CADM1: variants seen among roughly 807,000 people sequenced by gnomAD.
The protein encoded by CADM1 is cell adhesion molecule 1.
A neutral mutation model predicts 53.1 loss-of-function variants in CADM1; 15 were observed. The ratio of observed to expected loss-of-function variants is 0.28; its 90% CI spans 0.19 to 0.44. The LOEUF (loss-of-function observed/expected upper bound fraction) is 0.44. Ranked by LOEUF, CADM1 falls within the 20% of genes least tolerant of loss-of-function variation. CADM1 has a pLI of 1.00. For missense variants in CADM1, 434 were observed against 611.3 expected, an observed-to-expected ratio of 0.71 and a Z score of 3.06; for synonymous variants, 281 against 243.0, an observed-to-expected ratio of 1.16 and a Z score of -1.45.
At chr11:115,263,115 C>T (rs1486755766) in intron 1 of CADM1, among the ~76,000 whole-genome samples, 2 of 152,250 alleles carry the variant, frequency 1.3e-5, no homozygotes, top group Non-Finnish European at 2.9e-5. Flanking sequence ...CCCTTCATTG[C>T]ATCATATCAT....
At chr11:115,418,627 C>T (rs570306685) in intron 1 of CADM1, among the ~76,000 whole-genome samples, 2 of 152,242 alleles carry the variant, frequency 1.3e-5, no homozygotes, top group Admixed American at 6.5e-5. Context: ...AGAGTTTATA[C>T]ATATTAATGT....
chr11:115,450,451 C>A (rs894541976), intron 1 of CADM1, among the ~76,000 whole-genome samples: 1 of 152,188 alleles, frequency 6.6e-6, no homozygotes, highest in African/African-American at 2.4e-5. Context: ...TAAATGCATC[C>A]TTGATGCTGA....
intron 8 of CADM1, among the ~76,000 whole-genome samples, chr11:115,206,333 G>A (rs757958467): frequency 3.9e-5 from 6 of 152,174 alleles, no homozygotes; most frequent in East Asian, 1.9e-4. Context: ...GTGCCTTCAC[G>A]TGTAACTCTC....
intron 1 of CADM1, among the ~76,000 whole-genome samples, chr11:115,334,613 T>C (rs939823603): frequency 5.9e-5 from 9 of 152,164 alleles, no homozygotes; most frequent in African/African-American, 2.2e-4. Flanking sequence ...TATGTATGTA[T>C]AGGGAAAATA....
At chr11:115,364,874 A>G (rs999993150) in intron 1 of CADM1, among the ~76,000 whole-genome samples, 11 of 152,352 alleles carry the variant, frequency 7.2e-5, no homozygotes, top group Admixed American at 2.0e-4. Context: ...ACCTCATTTA[A>G]TAACAGTTTT....
chr11:115,295,866 C>T (rs1479830639), intron 1 of CADM1, among the ~76,000 whole-genome samples: 1 of 152,078 alleles, frequency 6.6e-6, no homozygotes, highest in Non-Finnish European at 1.5e-5. Flanking sequence ...ACTATTAATA[C>T]TATATTCTTA....
chr11:115,428,530 ATC>A (rs1947956247), intron 1 of CADM1, among the ~76,000 whole-genome samples: 2 of 152,272 alleles, frequency 1.3e-5, no homozygotes. Context: ...ATGAACCCCC[ATC>A]TGTCATAGCT....
At chr11:115,300,489 G>A (rs57734211) in intron 1 of CADM1, among the ~76,000 whole-genome samples, 9,114 of 152,032 alleles carry the variant, frequency 0.06, 315 homozygotes, top group East Asian at 0.1. Flanking sequence ...TTAATATCTG[G>A]CTTCCTTTAT....
Position 115,254,549 on chromosome 11 carries a change from A to AACACAC in CADM1, c.125-14135_125-14130dup, listed in dbSNP as rs58261564. Among the ~76,000 whole-genome samples the AACACAC allele has an allele frequency of 7.2e-3, 972 of 134,952 alleles. 9 individuals are homozygous for AACACAC. The highest frequency in any genetic ancestry group is 0.017 in the African/African-American group (627 of 36,478). The allele number at this position is 134,952 out of a possible 152,430, so 88.5% of individuals were successfully genotyped here. ...AAGTTCCTAATGCGCAAGGGAGACA[A>AACACAC]ACACACACACACACACACACACACA... On this transcript the variant is annotated intron_variant, in intron 1 of 11. Transcript: ENST00000331581.
chr11:115,250,124 C>G (rs573965007), intron 1 of CADM1, among the ~76,000 whole-genome samples: 12 of 152,092 alleles, frequency 7.9e-5, no homozygotes, highest in African/African-American at 2.9e-4. Flanking sequence ...AGGATGGTCT[C>G]GATCTCCTGA....
intron 1 of CADM1, among the ~76,000 whole-genome samples, chr11:115,392,350 T>C (rs1459930114): frequency 6.6e-6 from 1 of 151,982 alleles, no homozygotes; most frequent in African/African-American, 2.4e-5. Context: ...AATGATTTCT[T>C]AAAGCTTTTC....
At chr11:115,383,457 T>C (rs966306584) in intron 1 of CADM1, among the ~76,000 whole-genome samples, 17 of 152,336 alleles carry the variant, frequency 1.1e-4, no homozygotes, top group Admixed American at 4.6e-4. Context: ...TATTAGCTAA[T>C]AGGCAAGAAG....
chr11:115,305,597 C>T (rs1944343396), intron 1 of CADM1, among the ~76,000 whole-genome samples: 2 of 151,890 alleles, frequency 1.3e-5, no homozygotes, highest in Admixed American at 1.3e-4. Flanking sequence ...ATGAAAGAGG[C>T]ATTCTTTAAA....
chr11:115,371,547 G>T (rs1212045475), intron 1 of CADM1, among the ~76,000 whole-genome samples: 1 of 151,464 alleles, frequency 6.6e-6, no homozygotes, highest in African/African-American at 2.4e-5. Flanking sequence ...AAAAGAAATA[G>T]TAAGATAATT....
rs191636447 is a variant in CADM1, at chr11:115,495,516, C to A, written c.124+8755G>T. On this transcript the variant is annotated intron_variant, in intron 1 of 11. Coordinates refer to ENST00000331581, the MANE Select transcript of CADM1 (RefSeq NM_001301043.2). ...GATAAAGGCTTTGAAAAGATCCTTA[C>A]GATAACAAATTTAGCAGGTAGACTG... Among the ~76,000 whole-genome samples the A allele has an allele frequency of 5.9e-5, 9 of 152,242 alleles. No individual in the cohort carries two copies. The East Asian group carries it at 1.7e-3, about 29-fold the overall frequency.
intron 1 of CADM1, among the ~76,000 whole-genome samples, chr11:115,441,821 T>C (rs769023384): frequency 6.6e-6 from 1 of 152,060 alleles, no homozygotes; most frequent in African/African-American, 2.4e-5. Flanking sequence ...ATGGTCAATG[T>C]GTAATCAGGC....
chr11:115,234,991 A>ATTT (rs796620095), intron 3 of CADM1, among the ~76,000 whole-genome samples: 4 of 148,782 alleles, frequency 2.7e-5, no homozygotes, highest in Admixed American at 1.3e-4. Context: ...TCACTGAATG[A>ATTT]TTTTTTTTTC....
chr11:115,264,313 A>G (rs941074201), intron 1 of CADM1, among the ~76,000 whole-genome samples: 2 of 152,202 alleles, frequency 1.3e-5, no homozygotes, highest in African/African-American at 4.8e-5. Context: ...TTGATTTATA[A>G]CAGATTACCA....
intron 1 of CADM1, among the ~76,000 whole-genome samples, chr11:115,388,116 T>C (rs1158751114): frequency 5.9e-5 from 9 of 151,944 alleles, no homozygotes; most frequent in Admixed American, 5.2e-4. Flanking sequence ...CTAGGACAAT[T>C]TGAGCACCAA....
Sources: allele counts gnomAD v4.1 joint callset (sites outside exome capture counted in the v4.1 genomes callset), GRCh38; gene constraint gnomAD v4.1.1; transcripts MANE v1.5; gene names NCBI Gene and HGNC (gene_info 2026-07-23, HGNC 2026-07-21).